Variants in NEGR1 observed in about 807,000 individuals in gnomAD.
The protein encoded by NEGR1 is neuronal growth regulator 1, also known as IgLON family member 4.
In NEGR1, 10 loss-of-function variants were observed where a neutral mutation model predicts 40.9. The observed-to-expected ratio is 0.24, with a 90% CI of 0.15 to 0.42. NEGR1 has a LOEUF of 0.42. Among genes scored for constraint, NEGR1 ranks in the 10% least tolerant of loss-of-function variants. The probability of loss-of-function intolerance (pLI) is 1.00; values close to 1 mark genes in which losing one functional copy is unlikely to be tolerated. For missense variants in NEGR1, 352 were observed against 438.9 expected, an observed-to-expected ratio of 0.80 and a Z score of 1.77; for synonymous variants, 185 against 166.8, an observed-to-expected ratio of 1.11 and a Z score of -0.84.
intron 6 of NEGR1, among the ~76,000 whole-genome samples, chr1:71,466,861 G>A (rs12125823): frequency 0.49 from 74,111 of 151,940 alleles, 18,345 homozygotes; most frequent in South Asian, 0.56. Flanking sequence ...AAAACTGGAT[G>A]AGAGCAGAGC....
At chr1:71,760,424 A>G (rs1305422594) in intron 3 of NEGR1, among the ~76,000 whole-genome samples, 3 of 152,226 alleles carry the variant, frequency 2.0e-5, no homozygotes, top group African/African-American at 7.2e-5. Flanking sequence ...CAGACAAATG[A>G]AAGTTAAAAT....
intron 1 of NEGR1, among the ~76,000 whole-genome samples, chr1:72,015,252 G>A (rs1261465872): frequency 6.6e-6 from 1 of 151,948 alleles, no homozygotes; most frequent in African/African-American, 2.4e-5. Context: ...CTGGTGTGAT[G>A]TTTTTATAAG....
At chr1:71,994,996 G>GAAAA (rs34098239) in intron 1 of NEGR1, among the ~76,000 whole-genome samples, 6 of 111,550 alleles carry the variant, frequency 5.4e-5, no homozygotes, top group Non-Finnish European at 8.9e-5. Flanking sequence ...AAATTTACAG[G>GAAAA]AAAAAAAAAA....
intron 2 of NEGR1, among the ~76,000 whole-genome samples, chr1:71,845,399 T>C (rs528763890): frequency 2.0e-5 from 3 of 152,234 alleles, no homozygotes; most frequent in Admixed American, 6.5e-5. Flanking sequence ...GGGTAGGAGA[T>C]GGTAAGAAAA....
intron 1 of NEGR1, among the ~76,000 whole-genome samples, chr1:72,102,007 T>C (rs1435524588): frequency 6.6e-6 from 1 of 152,102 alleles, no homozygotes; most frequent in African/African-American, 2.4e-5. Context: ...CATGATCTCT[T>C]ATCTAATCCT....
chr1:71,523,994 A>G (rs945513652), intron 6 of NEGR1, among the ~76,000 whole-genome samples: 1 of 151,456 alleles, frequency 6.6e-6, no homozygotes, highest in Non-Finnish European at 1.5e-5. Flanking sequence ...CATTTAAACA[A>G]TTTTTTTTCA....
rs145743879 is a variant in NEGR1 at position 72,240,656 on chromosome 1, G to A, written c.176+41663C>T. On this transcript the variant is annotated intron_variant, in intron 1 of 6. Coordinates refer to ENST00000357731, the MANE Select transcript of NEGR1 (RefSeq NM_173808.3). ...CAAGAGCAATGATCATGACAACAGT[G>A]TTTTGAGATGCTCAAGTGTTTTGCC... 2.6e-5 allele frequency among the ~76,000 whole-genome samples: 4 copies of A among 151,976 alleles called. No homozygotes were observed. In the East Asian group the frequency reaches 7.7e-4, roughly 29 times the overall value.
chr1:72,032,706 T>A (rs187430803), intron 1 of NEGR1, among the ~76,000 whole-genome samples: 79 of 152,324 alleles, frequency 5.2e-4, no homozygotes, highest in African/African-American at 1.8e-3. Context: ...ATCATCTTGC[T>A]TCTCTAACAT....
chr1:71,530,719 C>T (rs920516723), intron 6 of NEGR1, among the ~76,000 whole-genome samples: 1 of 151,246 alleles, frequency 6.6e-6, no homozygotes, highest in Non-Finnish European at 1.5e-5. Flanking sequence ...AAACATTTAA[C>T]CCTAGCAACA....
chr1:72,077,757 A>G (rs1475253537), intron 1 of NEGR1, among the ~76,000 whole-genome samples: 3 of 152,080 alleles, frequency 2.0e-5, no homozygotes, highest in African/African-American at 7.2e-5. Context: ...AGGCTGCAGT[A>G]AGCCCTGAAC....
intron 1 of NEGR1, among the ~76,000 whole-genome samples, chr1:71,978,068 T>G (rs2100332820): frequency 6.6e-6 from 1 of 152,012 alleles, no homozygotes; most frequent in Non-Finnish European, 1.5e-5. Flanking sequence ...ATCAAAGGTG[T>G]GTTTAAGAGA....
At chr1:71,886,357 T>C (rs1570467684) in intron 2 of NEGR1, among the ~76,000 whole-genome samples, 1 of 152,152 alleles carries the variant, frequency 6.6e-6, no homozygotes, top group East Asian at 1.9e-4. Flanking sequence ...TCTTCTTCCA[T>C]AGTTTTAACC....
At chr1:71,689,583 A>T (rs1653181785) in intron 4 of NEGR1, among the ~76,000 whole-genome samples, 1 of 152,130 alleles carries the variant, frequency 6.6e-6, no homozygotes, top group South Asian at 2.1e-4. Flanking sequence ...TTATAGGTAA[A>T]TATAGACTGA....
chr1:71,624,888 T>C (rs1650718673), intron 4 of NEGR1, among the ~76,000 whole-genome samples: 1 of 151,974 alleles, frequency 6.6e-6, no homozygotes, highest in African/African-American at 2.4e-5. Context: ...TTCTTTATTG[T>C]TAGTTGTCTC....
chr1:71,602,014 G>C (rs958118913), intron 5 of NEGR1, among the ~76,000 whole-genome samples: 2 of 151,968 alleles, frequency 1.3e-5, no homozygotes, highest in South Asian at 4.2e-4. Flanking sequence ...GGACTAGATT[G>C]TTTTAGTACT....
At chr1:71,554,524 T>C (rs1648189997) in intron 6 of NEGR1, among the ~76,000 whole-genome samples, 1 of 151,394 alleles carries the variant, frequency 6.6e-6, no homozygotes, top group Middle Eastern at 3.4e-3. Flanking sequence ...GTTCAAGGGG[T>C]GAAGAGTTTG....
At chr1:71,935,360 GACA>G (rs1645895139) in intron 1 of NEGR1, 49 bp from the exon 2 acceptor site, 3 of 1,282,610 alleles carry the variant, frequency 2.3e-6, no homozygotes, top group Non-Finnish European at 3.4e-6. Flanking sequence ...AAAAATGAGA[GACA>G]ACATTATTTT....
At chr1:71,999,631 A>AT (rs1646536601) in intron 1 of NEGR1, among the ~76,000 whole-genome samples, 1 of 96,296 alleles carries the variant, frequency 1.0e-5, no homozygotes, top group Non-Finnish European at 2.1e-5. Flanking sequence ...TGAGCAAAGC[A>AT]AATATATATA....
intron 2 of NEGR1, among the ~76,000 whole-genome samples, chr1:71,869,515 G>A (rs1041685615): frequency 6.6e-6 from 1 of 152,168 alleles, no homozygotes; most frequent in African/African-American, 2.4e-5. Context: ...AATGCAATTA[G>A]TCTCACATTT....
Sources: gnomAD v4.1 joint callset for allele counts (sites outside exome capture counted in the v4.1 genomes callset) on GRCh38, gnomAD v4.1.1 for gene constraint, MANE v1.5 for transcripts, NCBI Gene and HGNC (gene_info 2026-07-23, HGNC 2026-07-21) for gene names.